Variants in ARHGEF10L observed in about 807,000 individuals in gnomAD.
ARHGEF10L encodes rho guanine nucleotide exchange factor 10-like protein.
Under a neutral mutation model 141.2 loss-of-function variants are expected in ARHGEF10L, and 69 were observed. The observed-to-expected ratio is 0.49, with a 90% confidence interval of 0.40 to 0.60. The LOEUF is 0.60. ARHGEF10L is among the 20% of genes least tolerant of loss of function. The pLI, the probability that ARHGEF10L is intolerant of heterozygous loss-of-function variation, is 0.00. For synonymous variants in ARHGEF10L, 711 were observed against 718.5 expected (o/e 0.99, Z 0.17); for missense variants, 1,482 against 1,734.3 (o/e 0.85, Z 2.58).
rs1223596873 is a variant in ARHGEF10L, at chr1:17,634,871, G to C, written c.1782G>C (p.Gly594=). The change falls in exon 18 of 29, where the codon GGG becomes GGC. Residue 594 remains glycine (G), a synonymous_variant. Coordinates refer to ENST00000361221, the MANE Select transcript of ARHGEF10L (RefSeq NM_018125.4). ...QLEISSLVPL[G]PKYVVKWNTA... is the part of the protein sequence containing the mutation. ...AGATCAGCAGCCTGGTGCCCCTGGG[G>C]CCCAAGTATGTGGTGAAGTGGAACA... The C allele has an allele frequency of 6.2e-7, 1 of 1,614,044 alleles. No homozygotes were observed. The highest frequency in any genetic ancestry group is 1.1e-5 in the South Asian group (1 of 91,070).
chr1:17,522,991 G>C, the ARHGEF10L span, among the ~76,000 whole-genome samples: 1 of 152,110 alleles, frequency 6.6e-6, no homozygotes, highest in African/African-American at 2.4e-5. Flanking sequence ...AGCTACTCGG[G>C]AAGCTGAGAT....
intron 26 of ARHGEF10L, 59 bp from the exon 27 acceptor site, chr1:17,687,514 G>GGC: frequency 6.3e-7 from 1 of 1,592,934 alleles, no homozygotes; most frequent in South Asian, 1.1e-5. Flanking sequence ...GTGGGGGCTT[G>GGC]TAGGGAGGCT....
chr1:17,664,341 G>A (rs1231782481), intron 25 of ARHGEF10L, 106 bp from the exon 26 acceptor site: 1 of 1,279,106 alleles, frequency 7.8e-7, no homozygotes, highest in Non-Finnish European at 1.1e-6. Flanking sequence ...GGAGAGCGGG[G>A]AGAGGGTGTG....
intron 7 of ARHGEF10L, among the ~76,000 whole-genome samples, chr1:17,608,385 T>G (rs1438689809): frequency 1.3e-5 from 2 of 152,222 alleles, no homozygotes; most frequent in Non-Finnish European, 2.9e-5. Flanking sequence ...CCCCGCCTTC[T>G]GGGACTGATG....
At position 17,607,824 on chromosome 1, in the gene ARHGEF10L, C is replaced by G; in HGVS notation, c.456C>G (p.Tyr152Ter). The change falls in exon 7 of 29, where the codon TAC (tyrosine) becomes TAG (stop). Residue 152 changes from tyrosine (Y) to a stop codon, truncating the protein, a stop_gained. Transcript: ENST00000361221. LOFTEE classifies it high-confidence loss of function. The surrounding 1 kb of genome is among the most constrained non-coding windows in gnomAD (Gnocchi z 4.5). ...HQPGAERNLL[Y>*]EDAHRAGAPR... Reference sequence around the variant, plus strand: ...CAGGGGCAGAGAGGAACCTGCTCTACGAGGATGCGCACCGGGCTGGGGCCC... The same window carrying G: ...CAGGGGCAGAGAGGAACCTGCTCTAGGAGGATGCGCACCGGGCTGGGGCCC... The G allele has an allele frequency of 1.9e-6, 3 of 1,590,900 alleles. No homozygotes were observed. The highest frequency in any genetic ancestry group is 2.6e-6 in the Non-Finnish European group (3 of 1,169,772).
rs375653452 is a variant in ARHGEF10L, at chr1:17,642,818, C to T, written c.2272+2516C>T. The stretch of plus-strand genomic sequence containing the variant: ...CCCTGCCCCTTGGGCCATGCGCTCC[C>T]CTCCCCACCCCATGCATCACTTCCA... On this transcript the variant is annotated intron_variant, in intron 21 of 28. Transcript: ENST00000361221. 1.1e-4 allele frequency among the ~76,000 whole-genome samples: 16 copies of T among 152,360 alleles called. No individual in the cohort carries two copies. In the East Asian group the frequency reaches 1.9e-3, roughly 18 times the overall value.
At chr1:17,679,244 C>T (rs1272023689) in intron 26 of ARHGEF10L, among the ~76,000 whole-genome samples, 2 of 152,208 alleles carry the variant, frequency 1.3e-5, no homozygotes, top group Non-Finnish European at 2.9e-5. Flanking sequence ...TCGTTGCACC[C>T]GGAGCCTCCC....
At chr1:17,585,522 C>A (rs563515983) in intron 2 of ARHGEF10L, among the ~76,000 whole-genome samples, 2 of 152,254 alleles carry the variant, frequency 1.3e-5, no homozygotes, top group African/African-American at 4.8e-5. Flanking sequence ...CCCCAAAGCC[C>A]CAGGAGGAGT....
chr1:17,628,474 C>A (rs1205775583), intron 15 of ARHGEF10L, among the ~76,000 whole-genome samples: 1 of 152,160 alleles, frequency 6.6e-6, no homozygotes, highest in Non-Finnish European at 1.5e-5. Flanking sequence ...ACATGAACTG[C>A]CTGGCTCTGT....
intron 26 of ARHGEF10L, among the ~76,000 whole-genome samples, chr1:17,685,972 G>A (rs1451359815): frequency 5.9e-5 from 9 of 152,230 alleles, no homozygotes; most frequent in Non-Finnish European, 1.3e-4. Context: ...CTGGAAAAGA[G>A]GAAAATCATC....
At chr1:17,609,660 C>T (rs561852232) in intron 7 of ARHGEF10L, among the ~76,000 whole-genome samples, 15 of 152,270 alleles carry the variant, frequency 9.9e-5, no homozygotes, top group Admixed American at 5.2e-4. Context: ...TAAACATGAG[C>T]CTGTGTCCAG....
rs1037531515 is a variant in ARHGEF10L, at chr1:17,654,465, G to T, written c.2395-171G>T. Among the ~76,000 whole-genome samples the T allele has an allele frequency of 6.6e-6, 1 of 152,190 alleles. No homozygotes were observed. The highest frequency in any genetic ancestry group is 2.1e-4 in the South Asian group (1 of 4,832). ...TAGGAAAGGAAGAACAAATGTGAGC[G>T]TGTAGGAACTGCCTGGAGAAGCAGG... On this transcript the variant is annotated intron_variant, in intron 22 of 28. Coordinates refer to ENST00000361221, the MANE Select transcript of ARHGEF10L (RefSeq NM_018125.4). The surrounding 1 kb of genome is among the most constrained non-coding windows in gnomAD (Gnocchi z 4.3).
intron 27 of ARHGEF10L, chr1:17,689,765 T>C: frequency 2.2e-6 from 1 of 455,564 alleles, no homozygotes; most frequent in South Asian, 1.6e-5. Flanking sequence ...AGTGGAACAA[T>C]GAAGAAATGG....
intron 4 of ARHGEF10L, among the ~76,000 whole-genome samples, chr1:17,598,847 T>C (rs1438043279): frequency 6.6e-6 from 1 of 151,854 alleles, no homozygotes; most frequent in African/African-American, 2.4e-5. Flanking sequence ...AAACCTGTGA[T>C]GTAGGTGAAT....
intron 20 of ARHGEF10L, 123 bp downstream of exon 20, chr1:17,638,812 T>C: frequency 7.0e-7 from 1 of 1,426,468 alleles, no homozygotes; most frequent in Non-Finnish European, 9.4e-7. Flanking sequence ...GGAGTGGATA[T>C]GTAGGCATCG....
At chr1:17,626,820 C>G (rs978918464) in intron 14 of ARHGEF10L, among the ~76,000 whole-genome samples, 5 of 152,248 alleles carry the variant, frequency 3.3e-5, no homozygotes, top group Non-Finnish European at 7.3e-5. Context: ...CTCTATGACT[C>G]TGACTGCTCT....
chr1:17,656,744 C>A lies in ARHGEF10L; in HGVS notation c.2860+36C>A, dbSNP rs751577353. 1 of 1,588,560 alleles carries A rather than the reference C, an allele frequency of 6.3e-7. No individual in the cohort carries two copies. Among genetic ancestry groups the A allele is most frequent in the African/African-American group, 1.3e-5 (1 of 74,494 alleles). On this transcript the variant is annotated intron_variant, in intron 25 of 28. Coordinates refer to ENST00000361221, the MANE Select transcript of ARHGEF10L (RefSeq NM_018125.4). The surrounding 1 kb of genome is among the most constrained non-coding windows in gnomAD (Gnocchi z 4.9). ...GGGGGAATGGGGGAAGGGGGGCAGT[C>A]CTGGATGCCAGCTGGGTGCCAGATT...
intron 4 of ARHGEF10L, among the ~76,000 whole-genome samples, chr1:17,596,713 G>A (rs1404359192): frequency 6.6e-6 from 1 of 152,158 alleles, no homozygotes; most frequent in Non-Finnish European, 1.5e-5. Context: ...GGGGTGGCGG[G>A]TGCCATTCTC....
At chr1:17,533,041 A>G in the ARHGEF10L span, among the ~76,000 whole-genome samples, 1 of 152,168 alleles carries the variant, frequency 6.6e-6, no homozygotes, top group Admixed American at 6.6e-5. Flanking sequence ...CCAGGGACAG[A>G]CAGTACCACC....
Sources: gnomAD v4.1 joint callset for allele counts (sites outside exome capture counted in the v4.1 genomes callset) on GRCh38, gnomAD v4.1.1 for gene constraint, Gnocchi (gnomAD v3.1) non-coding constraint, MANE v1.5 for transcripts, NCBI Gene and HGNC (gene_info 2026-07-23, HGNC 2026-07-21) for gene names.